Variants in ZBTB8OS observed in about 807,000 individuals in gnomAD.
ZBTB8OS encodes the protein tRNA-splicing ligase-activating factor archease.
ZBTB8OS carries 16 observed loss-of-function variants against 29.3 expected under a neutral mutation model. The ratio of observed to expected loss-of-function variants is 0.55; its 90% confidence interval spans 0.37 to 0.83. ZBTB8OS has a LOEUF of 0.83. Among genes scored for constraint, ZBTB8OS ranks in the 40% least tolerant of loss-of-function variants. The pLI, the probability that ZBTB8OS is intolerant of heterozygous loss-of-function variation, is 0.00. For missense variants in ZBTB8OS, 160 were observed against 196.9 expected (o/e 0.81, Z 1.12); for synonymous variants, 70 against 64.6 (o/e 1.08, Z -0.40).
intron 1 of ZBTB8OS, among the ~76,000 whole-genome samples, chr1:32,649,632 A>AC (rs1491064452): frequency 0.12 from 2,728 of 22,834 alleles, 29 homozygotes; most frequent in Non-Finnish European, 0.28. Flanking sequence ...CCATCTCTAA[A>AC]AACACACACA....
chr1:32,627,877 AT>A (rs747047294), intron 5 of ZBTB8OS: 12 of 218,790 alleles, frequency 5.5e-5, no homozygotes, highest in Non-Finnish European at 9.8e-5. Context: ...TGTACACAAA[AT>A]TAAAAAAATA....
upstream of ZBTB8OS, chr1:32,650,580 C>A: frequency 1.2e-6 from 2 of 1,613,774 alleles, no homozygotes. Flanking sequence ...CGGACTTCGG[C>A]CCGGAGTTAC....
intron 5 of ZBTB8OS, among the ~76,000 whole-genome samples, chr1:32,630,961 T>G (rs1645504663): frequency 6.6e-6 from 1 of 151,876 alleles, no homozygotes; most frequent in Non-Finnish European, 1.5e-5. Flanking sequence ...TGCAGTGAGC[T>G]GAGATCACAC....
rs1645583229 is a variant in ZBTB8OS, at chr1:32,631,864, T to A, written c.343A>T (p.Ser115Cys). Residue 115 changes from serine to cysteine, a missense_variant, in exon 5 of 7, where the codon AGC becomes TGC. By Grantham distance (112) the Ser-to-Cys change is moderately radical. Coordinates refer to ENST00000468695, the MANE Select transcript of ZBTB8OS (RefSeq NM_178547.5). ...FFIPREVKVL[S>C]IDQRNFKLRS... ...AATTTGAAATTTCTTTGATCAATGC[T>A]AAGTACTTTCACTTCCTAGACAGGA... 13 of 1,589,232 alleles carry A rather than the reference T, an allele frequency of 8.2e-6. No homozygotes were observed. Among genetic ancestry groups the A allele is most frequent in the Non-Finnish European group, 1.1e-5 (13 of 1,167,978 alleles).
intron 1 of ZBTB8OS, among the ~76,000 whole-genome samples, chr1:32,647,365 G>A (rs1284944): frequency 0.97 from 145,655 of 150,164 alleles, 70,804 homozygotes; most frequent in East Asian, 1. Context: ...TGAACCTGGG[G>A]GGCAGAGGTT....
At position 32,627,522 on chromosome 1, in the gene ZBTB8OS, A is replaced by G. The variant is rs759796953; in HGVS notation, c.403T>C (p.Ser135Pro). Reference protein sequence around the residue: ...SIGWGEEFSLSKHPQGTEVKA... With the variant: ...SIGWGEEFSLPKHPQGTEVKA... ...TTAAAACATACCTGAGGGTGCTTGG[A>G]CAATGAAAATTCTTCTCCCCACCTT... is the stretch of plus-strand genomic sequence containing the variant. Residue 135 changes from serine (S) to proline (P), a missense_variant, in exon 6 of 7, where the codon TCC becomes CCC. By Grantham distance (74) the Ser-to-Pro change is moderately conservative. Transcript: ENST00000468695. The G allele has an allele frequency of 5.6e-6, 9 of 1,613,954 alleles. No individual in the cohort carries two copies. The highest frequency in any genetic ancestry group is 7.6e-6 in the Non-Finnish European group (9 of 1,179,904).
At chr1:32,627,814 C>T (rs767806029) in intron 5 of ZBTB8OS, 2 of 429,832 alleles carry the variant, frequency 4.7e-6, no homozygotes, top group South Asian at 6.3e-5. Context: ...AAGGGAGGAT[C>T]GCTTGAGCCC....
intron 5 of ZBTB8OS, among the ~76,000 whole-genome samples, chr1:32,628,272 G>T (rs1217229663): frequency 1.3e-5 from 2 of 151,692 alleles, no homozygotes; most frequent in Non-Finnish European, 2.9e-5. Context: ...CAGGAGAATC[G>T]CTTGAACCCA....
intron 6 of ZBTB8OS, among the ~76,000 whole-genome samples, chr1:32,624,781 C>A (rs11579955): frequency 1.3e-5 from 2 of 151,740 alleles, no homozygotes; most frequent in South Asian, 4.2e-4. Flanking sequence ...GTAATCCCAG[C>A]TACTCAGGAG....
rs758800199 is a variant in ZBTB8OS at position 32,650,503 on chromosome 1, T to A, written c.27A>T (p.Arg9Ser). 6.2e-7 allele frequency: 1 copy of A among 1,614,172 alleles called. No individual in the cohort carries two copies. The highest frequency in any genetic ancestry group is 8.5e-7 in the Non-Finnish European group (1 of 1,180,036). The change falls in exon 1 of 7, where the codon AGA becomes AGT. Residue 9 changes from arginine (R) to serine (S), a missense_variant. Coordinates refer to ENST00000468695, the MANE Select transcript of ZBTB8OS (RefSeq NM_178547.5). ...TCTGTTCTTCAGTCAAATTGTAATC[T>A]CTAACATCTTCCTCTTCCTGCGCCA... The part of the protein sequence containing the change: MAQEEEDV[R>S]DYNLTEEQKA...
chr1:32,627,749 A>T, intron 5 of ZBTB8OS: 1 of 579,706 alleles, frequency 1.7e-6, no homozygotes, highest in Non-Finnish European at 3.0e-6. Flanking sequence ...CAAGGTTGAT[A>T]GTTAAGGCCA....
At chr1:32,627,708 G>A in intron 5 of ZBTB8OS, 164 bp from the exon 6 acceptor site, 2 of 638,962 alleles carry the variant, frequency 3.1e-6, no homozygotes, top group South Asian at 1.9e-5. Flanking sequence ...CAGCTGTTGA[G>A]GGACGTGTGT....
In ZBTB8OS at chr1:32,633,487, A is replaced by C. The variant is rs1221554173; in HGVS notation, c.327+158T>G. ...CCACATAGGCAAATGCAGGTTAACC[A>C]GGAAGTGCCCGTGGTCATTATAATC... On this transcript the variant is annotated intron_variant, in intron 4 of 6. Coordinates refer to ENST00000468695, the MANE Select transcript of ZBTB8OS (RefSeq NM_178547.5). 5.3e-6 allele frequency: 3 copies of C among 561,708 alleles called. No homozygotes were observed. In the East Asian group the frequency reaches 9.3e-5, roughly 17 times the overall value. 34.8% of individuals were successfully genotyped at this position (561,708 alleles called of 1,614,324 possible).
chr1:32,648,630 T>G (rs1647032384), intron 1 of ZBTB8OS, among the ~76,000 whole-genome samples: 1 of 152,236 alleles, frequency 6.6e-6, no homozygotes, highest in Non-Finnish European at 1.5e-5. Context: ...TTACACTTTC[T>G]GAATTTCAAA....
At chr1:32,631,299 G>A (rs1457709847) in intron 5 of ZBTB8OS, among the ~76,000 whole-genome samples, 1 of 148,808 alleles carries the variant, frequency 6.7e-6, no homozygotes, top group Non-Finnish European at 1.5e-5. Context: ...AAGCTGCAGT[G>A]AGCCATGACC....
chr1:32,633,476 G>A (rs1303355446), intron 4 of ZBTB8OS, 169 bp downstream of exon 4: 1 of 549,402 alleles, frequency 1.8e-6, no homozygotes, highest in East Asian at 3.1e-5. Flanking sequence ...ATAGGCAAAT[G>A]CAGGTTAACC....
At chr1:32,644,726 T>TTTTTC (rs1646709587) in intron 1 of ZBTB8OS, among the ~76,000 whole-genome samples, 1 of 138,072 alleles carries the variant, frequency 7.2e-6, no homozygotes, top group Non-Finnish European at 1.5e-5. Flanking sequence ...TTTTTTTTTT[T>TTTTTC]GTAGAGATGT....
chr1:32,650,237 G>A (rs987824873), intron 1 of ZBTB8OS, among the ~76,000 whole-genome samples, 196 bp downstream of exon 1: 1 of 152,102 alleles, frequency 6.6e-6, no homozygotes, highest in African/African-American at 2.4e-5. Flanking sequence ...GCCAGGTTTC[G>A]CGACTATTAA....
At chr1:32,628,480 T>C (rs1257616155) in intron 5 of ZBTB8OS, among the ~76,000 whole-genome samples, 1 of 146,786 alleles carries the variant, frequency 6.8e-6, no homozygotes, top group Non-Finnish European at 1.5e-5. Flanking sequence ...CTACTAAAAA[T>C]ACAAAAATTA....
Sources: gnomAD v4.1 joint callset for allele counts (sites outside exome capture counted in the v4.1 genomes callset) on GRCh38, gnomAD v4.1.1 for gene constraint, MANE v1.5 for transcripts, NCBI Gene and HGNC (gene_info 2026-07-23, HGNC 2026-07-21) for gene names.